Variants in ERGIC1 observed in about 807,000 individuals in gnomAD.
ERGIC1 encodes endoplasmic reticulum-golgi intermediate compartment 1.
A neutral mutation model predicts 38.3 loss-of-function variants in ERGIC1; 19 were observed. The observed-to-expected ratio is 0.50, with a 90% confidence interval of 0.35 to 0.73. ERGIC1 has a LOEUF of 0.73. ERGIC1 is among the 30% of genes least tolerant of loss of function. The probability of loss-of-function intolerance (pLI) is 0.01; values close to 1 mark genes in which losing one functional copy is unlikely to be tolerated. For synonymous variants in ERGIC1, 124 were observed against 157.6 expected, an observed-to-expected ratio of 0.79 and a Z score of 1.60; for missense variants, 294 against 389.2, an observed-to-expected ratio of 0.76 and a Z score of 2.06.
At chr5:172,876,340 G>A (rs78520393) in intron 1 of ERGIC1, among the ~76,000 whole-genome samples, 2,681 of 152,238 alleles carry the variant, frequency 0.018, 58 homozygotes, top group African/African-American at 0.059. Flanking sequence ...AAAACAGAAC[G>A]TTGCCCTCAT....
chr5:172,939,163 C>G (rs1763952374), intron 9 of ERGIC1, among the ~76,000 whole-genome samples: 1 of 152,206 alleles, frequency 6.6e-6, no homozygotes, highest in Non-Finnish European at 1.5e-5. Context: ...TGTTCCGGCC[C>G]CCGTAGCAGG....
At chr5:172,876,729 T>C (rs1053149364) in intron 1 of ERGIC1, among the ~76,000 whole-genome samples, 4 of 152,216 alleles carry the variant, frequency 2.6e-5, no homozygotes, top group African/African-American at 9.6e-5. Flanking sequence ...TGCTCCTCCC[T>C]GTCCTTTCCG....
chr5:172,836,582 T>G (rs1343288591), intron 1 of ERGIC1, among the ~76,000 whole-genome samples: 2 of 152,192 alleles, frequency 1.3e-5, no homozygotes, highest in African/African-American at 4.8e-5. Context: ...GGACCTGGGT[T>G]CTACTGAGGG....
intron 3 of ERGIC1, 106 bp downstream of exon 3, chr5:172,897,180 A>ACTCGG: frequency 4.6e-6 from 5 of 1,080,726 alleles, no homozygotes; most frequent in Non-Finnish European, 5.5e-6. Context: ...TGTAATCCCA[A>ACTCGG]CACTTTGGGA....
Position 172,858,068 on chromosome 5 carries a change from AGGG to A in ERGIC1, c.20+23638_20+23640del, listed in dbSNP as rs560163851. Among the ~76,000 whole-genome samples the A allele has an allele frequency of 1.2e-4, 18 of 152,328 alleles. No homozygotes were observed. The South Asian group carries it at 3.7e-3, about 32-fold the overall frequency. ...ACATGTGACTATAAAGGAGAAAAGC[AGGG>A]GGCTGTGAGGCCTGCGTCTTCTAGG... On this transcript the variant is annotated intron_variant, in intron 1 of 9. Coordinates refer to ENST00000393784, the MANE Select transcript of ERGIC1 (RefSeq NM_001031711.3).
intron 5 of ERGIC1, among the ~76,000 whole-genome samples, chr5:172,920,841 T>TA (rs1195953364): frequency 1.3e-5 from 2 of 152,230 alleles, no homozygotes; most frequent in African/African-American, 4.8e-5. Context: ...ACACACGCCT[T>TA]ATGGCTGTGG....
At chr5:172,945,125 G>T (rs936942125) in intron 9 of ERGIC1, among the ~76,000 whole-genome samples, 4 of 149,848 alleles carry the variant, frequency 2.7e-5, no homozygotes, top group Admixed American at 2.0e-4. Flanking sequence ...AGGAAAATGA[G>T]AGTTTTCCCA....
intron 3 of ERGIC1, among the ~76,000 whole-genome samples, chr5:172,900,722 C>A (rs2339743): frequency 0.26 from 38,686 of 146,566 alleles, 5,734 homozygotes; most frequent in African/African-American, 0.4. Flanking sequence ...AAAAAAAAAA[C>A]AAAAAAAAAC....
Position 172,901,162 on chromosome 5 carries a change from C to T in ERGIC1, c.155+4088C>T, listed in dbSNP as rs373853186. Among the ~76,000 whole-genome samples, 3 of 152,170 alleles carry T rather than the reference C, an allele frequency of 2.0e-5. No homozygotes were observed. In the East Asian group the frequency reaches 5.8e-4, roughly 29 times the overall value. On this transcript the variant is annotated intron_variant, in intron 3 of 9. Transcript: ENST00000393784. ...TTGTAACTTAAGGAAATGAGGTCAC[C>T]GTTGGTTGGATCAACATGGCTCCAG...
At chr5:172,845,734 G>A (rs572084810) in intron 1 of ERGIC1, among the ~76,000 whole-genome samples, 73 of 152,264 alleles carry the variant, frequency 4.8e-4, no homozygotes, top group African/African-American at 1.6e-3. Context: ...TCCATTCCGC[G>A]AGGGTCCCCA....
At chr5:172,911,080 C>T (rs1763196137) in intron 4 of ERGIC1, among the ~76,000 whole-genome samples, 1 of 152,136 alleles carries the variant, frequency 6.6e-6, no homozygotes, top group South Asian at 2.1e-4. Context: ...TCCCTCTGCC[C>T]AGCCTGGCAC....
chr5:172,934,965 A>G (rs1763855577), intron 8 of ERGIC1: 2 of 571,052 alleles, frequency 3.5e-6, no homozygotes, highest in African/African-American at 1.9e-5. Context: ...CACTTGGTCA[A>G]TTTCTAAACA....
intron 1 of ERGIC1, among the ~76,000 whole-genome samples, chr5:172,857,588 G>GT (rs1761582691): frequency 7.5e-6 from 1 of 132,610 alleles, no homozygotes; most frequent in Admixed American, 8.3e-5. Flanking sequence ...TAATAATGGT[G>GT]CCCCCCCCAC....
intron 3 of ERGIC1, among the ~76,000 whole-genome samples, chr5:172,908,336 A>AGG (rs1561729758): frequency 0.017 from 6 of 358 alleles, no homozygotes; most frequent in Non-Finnish European, 0.034. Context: ...GGAGGGGGGG[A>AGG]GGGGGGAGGG....
At position 172,834,765 on chromosome 5, in the gene ERGIC1, C is replaced by T. The variant is rs1760993656; in HGVS notation, c.20+332C>T. Among the ~76,000 whole-genome samples the T allele has an allele frequency of 6.6e-6, 1 of 152,208 alleles. No individual in the cohort carries two copies. The highest frequency in any genetic ancestry group is 2.4e-5 in the African/African-American group (1 of 41,466). On this transcript the variant is annotated intron_variant, in intron 1 of 9. Coordinates refer to ENST00000393784, the MANE Select transcript of ERGIC1 (RefSeq NM_001031711.3). The surrounding 1 kb of genome is among the most constrained non-coding windows in gnomAD (Gnocchi z 4.1). ...CCCAGATGGGAACAGCCCATAACACCCCAGCATCCCTCTCCTCCCTCTACT... is the reference window on the plus strand; with the variant it reads ...CCCAGATGGGAACAGCCCATAACACTCCAGCATCCCTCTCCTCCCTCTACT...
intron 5 of ERGIC1, among the ~76,000 whole-genome samples, chr5:172,919,297 C>T (rs369394609): frequency 2.6e-5 from 4 of 152,194 alleles, no homozygotes; most frequent in South Asian, 2.1e-4. Flanking sequence ...CAGACGTACA[C>T]GCACACCTCC....
At chr5:172,910,301 C>T (rs1763173360) in intron 4 of ERGIC1, among the ~76,000 whole-genome samples, 1 of 152,080 alleles carries the variant, frequency 6.6e-6, no homozygotes, top group Non-Finnish European at 1.5e-5. Context: ...ACCTCCCAAG[C>T]ATCTCAAGCG....
chr5:172,903,387 T>G (rs561677247), intron 3 of ERGIC1, among the ~76,000 whole-genome samples: 1 of 152,234 alleles, frequency 6.6e-6, no homozygotes, highest in East Asian at 1.9e-4. Flanking sequence ...ACATGTCCAC[T>G]GAGGGCCACC....
intron 1 of ERGIC1, among the ~76,000 whole-genome samples, chr5:172,843,892 G>A (rs1347046410): frequency 1.3e-5 from 2 of 152,212 alleles, no homozygotes; most frequent in Non-Finnish European, 2.9e-5. Context: ...TCTTTGCGGG[G>A]ATTTTGTGAG....
Sources: gnomAD v4.1 joint callset for allele counts (sites outside exome capture counted in the v4.1 genomes callset) on GRCh38, gnomAD v4.1.1 for gene constraint, Gnocchi (gnomAD v3.1) non-coding constraint, MANE v1.5 for transcripts, NCBI Gene and HGNC (gene_info 2026-07-23, HGNC 2026-07-21) for gene names.